PGGHG: variants seen among roughly 807,000 people sequenced by gnomAD.
PGGHG encodes ATH1, acid trehalase-like 1.
Under a neutral mutation model 74.5 loss-of-function variants are expected in PGGHG, and 67 were observed. The observed-to-expected ratio is 0.90, with a 90% CI of 0.74 to 1.10. The LOEUF (loss-of-function observed/expected upper bound fraction) is 1.10, where lower values mean the gene tolerates loss of function less well. PGGHG is among the 50% of genes least tolerant of loss of function. The pLI is 0.00. For missense variants in PGGHG, 1,034 were observed against 981.5 expected, an observed-to-expected ratio of 1.05 and a Z score of -0.72; for synonymous variants, 496 against 419.9, an observed-to-expected ratio of 1.18 and a Z score of -2.21.
Position 290,470 on chromosome 11 carries a change from C to G in PGGHG, c.340C>G (p.Leu114Val), listed in dbSNP as rs2134020551. 5 of 1,550,080 alleles carry G rather than the reference C, an allele frequency of 3.2e-6. No homozygotes were observed. The South Asian group carries it at 4.8e-5, about 15-fold the overall frequency. ...TGCGCATCGCACGCTGCCCCACGTG[C>G]TGGCTTTCCGAGTGTCCATCGCCCG... ...IYAHRTLPHVLAFRVSIARLA... is the reference protein window; with the variant it reads ...IYAHRTLPHVVAFRVSIARLA... The change falls in exon 3 of 14, where the codon CTG (leucine) becomes GTG (valine). Residue 114 changes from leucine (L) to valine (V), a missense_variant. Leu to Val is a conservative substitution (Grantham distance 32). Transcript: ENST00000409548.
intron 9 of PGGHG, 34 bp downstream of exon 9, chr11:293,536 C>G: frequency 6.2e-7 from 1 of 1,612,052 alleles, no homozygotes; most frequent in Non-Finnish European, 8.5e-7. Flanking sequence ...CCTCCCCTGC[C>G]GTCGAGACCC....
In PGGHG at chr11:290,832, G is replaced by T. The variant is rs1216580427; in HGVS notation, c.625G>T (p.Ala209Ser). The T allele has an allele frequency of 6.2e-7, 1 of 1,612,324 alleles. No individual in the cohort carries two copies. The highest frequency in any genetic ancestry group is 2.2e-5 in the East Asian group (1 of 44,886). Residue 209 changes from alanine to serine, a missense_variant, in exon 4 of 14, where the codon GCT (alanine) becomes TCT (serine). Physicochemically the swap from Ala to Ser is moderately conservative, Grantham distance 99 (BLOSUM62 1). Coordinates refer to ENST00000409548, the MANE Select transcript of PGGHG (RefSeq NM_025092.5). ...DFLTAVGGSQ[A>S]EAQACLTEAL... Reference sequence around the variant, plus strand: ...CCTGACAGCAGTGGGCGGCAGCCAGGCTGAGGCTCAGGCCTGCCTCACTGA... The same window carrying T: ...CCTGACAGCAGTGGGCGGCAGCCAGTCTGAGGCTCAGGCCTGCCTCACTGA...
rs781275874 is a variant in PGGHG at position 294,265 on chromosome 11, A to G, written c.1809-2A>G. Reference sequence around the variant, plus strand: ...CCACCTCACAAGCCTCTCCTCCCACAGGGTCACCCGAGCGGGTGTGACCTT... The same window carrying G: ...CCACCTCACAAGCCTCTCCTCCCACGGGGTCACCCGAGCGGGTGTGACCTT... On this transcript the variant is annotated splice_acceptor_variant, in intron 12 of 13. Coordinates refer to ENST00000409548, the MANE Select transcript of PGGHG (RefSeq NM_025092.5). LOFTEE classifies it high-confidence loss of function. 22 of 1,600,820 alleles carry G rather than the reference A, an allele frequency of 1.4e-5. No homozygotes were observed. Among genetic ancestry groups the G allele is most frequent in the Non-Finnish European group, 1.9e-5 (22 of 1,172,328 alleles).
rs1375739439 is a variant in PGGHG at position 289,985 on chromosome 11, A to G, written c.169A>G (p.Met57Val). 6.5e-7 allele frequency: 1 copy of G among 1,549,298 alleles called. No homozygotes were observed. Among genetic ancestry groups the G allele is most frequent in the African/African-American group, 1.4e-5 (1 of 73,018 alleles). ...NGAGGDTHRAMLPSPLNVRLE... is the reference protein window; with the variant it reads ...NGAGGDTHRAVLPSPLNVRLE... The stretch of plus-strand genomic sequence containing the variant: ...GGCTGGCGGGGACACGCACCGGGCC[A>G]TGCTGCCCAGCCCCCTCAACGTCCG... Residue 57 changes from methionine to valine, a missense_variant, in exon 2 of 14, where the codon ATG becomes GTG. Physicochemically the swap from Met to Val is conservative, Grantham distance 21. Coordinates refer to ENST00000409548, the MANE Select transcript of PGGHG (RefSeq NM_025092.5). This position sits in a 1 kb window ranked among gnomAD's most constrained non-coding sequence, Gnocchi z 5.6.
In PGGHG at chr11:294,187, C is replaced by T. The variant is rs199698593; in HGVS notation, c.1799C>T (p.Thr600Met). ...CTGCAGGCGGTGGTCTTCGGGTGCA[C>T]GGGGTTCAGGTAAGTGCAGAGGCTG... ...GFLQAVVFGC[T>M]GFRVTRAGVT... Residue 600 changes from threonine (T) to methionine (M), a missense_variant, in exon 12 of 14, where the codon ACG becomes ATG. By Grantham distance (81) the Thr-to-Met change is moderately conservative. Coordinates refer to ENST00000409548, the MANE Select transcript of PGGHG (RefSeq NM_025092.5). The T allele has an allele frequency of 9.0e-5, 145 of 1,610,416 alleles. 1 individual carries two copies. Among genetic ancestry groups the T allele is most frequent in the East Asian group, 6.2e-4 (28 of 44,868 alleles).
Position 291,975 on chromosome 11 carries a change from G to A in PGGHG, c.907-1G>A, listed in dbSNP as rs371243497. The A allele has an allele frequency of 2.6e-4, 420 of 1,607,316 alleles. No homozygotes were observed. The highest frequency in any genetic ancestry group is 3.5e-4 in the Non-Finnish European group (413 of 1,177,648). The stretch of plus-strand genomic sequence containing the variant: ...GCTAGAACGAGGGACCGTGCTCTCA[G>A]GACCTCTGGATGTTCCCGAGTATCC... On this transcript the variant is annotated splice_acceptor_variant, in intron 4 of 13. Coordinates refer to ENST00000409548, the MANE Select transcript of PGGHG (RefSeq NM_025092.5). LOFTEE classifies it high-confidence loss of function.
At chr11:294,528 C>T (rs372652250) in intron 13 of PGGHG, 28 bp from the exon 14 acceptor site, 6 of 1,599,236 alleles carry the variant, frequency 3.8e-6, no homozygotes, top group Non-Finnish European at 4.3e-6. Flanking sequence ...GGCTGCCCCT[C>T]ACCCCCAGGC....
intron 5 of PGGHG, among the ~76,000 whole-genome samples, 183 bp downstream of exon 5, chr11:292,278 G>C (rs544597227): frequency 1.3e-5 from 2 of 152,094 alleles, no homozygotes; most frequent in East Asian, 3.9e-4. Context: ...GAGAGAGGAG[G>C]TGGGAACCGC....
chr11:294,351 G>T lies in PGGHG; in HGVS notation c.1893G>T (p.Gly631=). The T allele has an allele frequency of 6.2e-7, 1 of 1,613,136 alleles. No homozygotes were observed. Among genetic ancestry groups the T allele is most frequent in the South Asian group, 1.1e-5 (1 of 91,064 alleles). ...RVSVSGIFYQ[G]NKLNFSFSED... is the part of the protein sequence containing the mutation. ...GCGTCTCCGGCATCTTCTACCAGGG[G>T]AACAAGCTCAACTTCTCTTTTTCCG... The change falls in exon 13 of 14, where the codon GGG becomes GGT. Residue 631 remains glycine, a synonymous_variant. Transcript: ENST00000409548.
Position 294,638 on chromosome 11 carries a change from C to T in PGGHG, c.2103C>T (p.Phe701=), listed in dbSNP as rs748702313. The change falls in exon 14 of 14, where the codon TTC becomes TTT. Residue 701 remains phenylalanine (F), a synonymous_variant. Transcript: ENST00000409548. ...PKLPGSSSSE[F]PGRTFSDVRD... ...TGCCTGGAAGTTCCAGCTCCGAGTT[C>T]CCTGGGAGGACTTTTTCAGATGTTA... is the stretch of plus-strand genomic sequence containing the variant. The T allele has an allele frequency of 3.3e-5, 54 of 1,613,636 alleles. No individual in the cohort carries two copies. Among genetic ancestry groups the T allele is most frequent in the Non-Finnish European group, 4.3e-5 (51 of 1,179,984 alleles).
Position 291,966 on chromosome 11 carries a change from G to T in PGGHG, c.907-10G>T. 6.2e-7 allele frequency: 1 copy of T among 1,602,698 alleles called. No homozygotes were observed. Among genetic ancestry groups the T allele is most frequent in the Non-Finnish European group, 8.5e-7 (1 of 1,175,614 alleles). On this transcript the variant is annotated splice_polypyrimidine_tract_variant and intron_variant, in intron 4 of 13. Coordinates refer to ENST00000409548, the MANE Select transcript of PGGHG (RefSeq NM_025092.5). ...CTGTCCGGCGCTAGAACGAGGGACC[G>T]TGCTCTCAGGACCTCTGGATGTTCC...
intron 4 of PGGHG, chr11:291,396 TAG>T (rs1258527422): frequency 2.3e-6 from 1 of 427,504 alleles, no homozygotes; most frequent in African/African-American, 2.0e-5. Context: ...CCAGCGTTTG[TAG>T]ACAGTAGTGT....
chr11:291,633 C>T (rs1186300642), intron 4 of PGGHG: 6 of 297,338 alleles, frequency 2.0e-5, no homozygotes, highest in South Asian at 8.6e-5. Context: ...CTGAGCCTCC[C>T]GGTGCTGCCG....
chr11:292,830 C>T lies in PGGHG; in HGVS notation c.1159-56C>T. On this transcript the variant is annotated intron_variant, in intron 6 of 13. Coordinates refer to ENST00000409548, the MANE Select transcript of PGGHG (RefSeq NM_025092.5). ...GCCTTGCTTCTGGGCACAGACAGGC[C>T]ACTAGGAATGAGAGTGACTGGGGCC... is the stretch of plus-strand genomic sequence containing the variant. The T allele has an allele frequency of 1.9e-6, 3 of 1,611,960 alleles. No individual in the cohort carries two copies. The South Asian group carries it at 3.3e-5, about 18-fold the overall frequency.
rs1232866636 is a variant in PGGHG, at chr11:293,174, C to T, written c.1282C>T (p.Pro428Ser). Residue 428 changes from proline to serine, a missense_variant, in exon 8 of 14, where the codon CCC (proline) becomes TCC (serine). Physicochemically the swap from Pro to Ser is moderately conservative, Grantham distance 74. Coordinates refer to ENST00000409548, the MANE Select transcript of PGGHG (RefSeq NM_025092.5). ...EKYHLRGVMS[P>S]DEYHSGVNNS... ...ACTTGTGTGTCCAGGAGTCATGTCC[C>T]CCGACGAGTACCATTCAGGGGTCAA... is the stretch of plus-strand genomic sequence containing the variant. 1 of 1,613,906 alleles carries T rather than the reference C, an allele frequency of 6.2e-7. No individual in the cohort carries two copies. Among genetic ancestry groups the T allele is most frequent in the Admixed American group, 1.7e-5 (1 of 60,016 alleles).
chr11:293,813 C>CT lies in PGGHG; in HGVS notation c.1615-15dup, dbSNP rs1354074146. 1 of 1,613,470 alleles carries CT rather than the reference C, an allele frequency of 6.2e-7. No homozygotes were observed. The highest frequency in any genetic ancestry group is 8.5e-7 in the Non-Finnish European group (1 of 1,179,974). ...AGTGGGCCTCACCCCTGTGTGTCCT[C>CT]TTACCTCTGACCCCAGAGCATGTTT... On this transcript the variant is annotated splice_polypyrimidine_tract_variant and intron_variant, in intron 10 of 13. Coordinates refer to ENST00000409548, the MANE Select transcript of PGGHG (RefSeq NM_025092.5).
In PGGHG at chr11:289,638, CT is replaced by C. The variant is rs532783814; in HGVS notation, c.-13-163del. 163 of 858,726 alleles carry C rather than the reference CT, an allele frequency of 1.9e-4. No individual in the cohort carries two copies. In the East Asian group the frequency reaches 3.2e-3, roughly 17 times the overall value. The allele number at this position is 858,726 out of a possible 1,614,324, so 53.2% of individuals were successfully genotyped here. On this transcript the variant is annotated intron_variant, in intron 1 of 13. Coordinates refer to ENST00000409548, the MANE Select transcript of PGGHG (RefSeq NM_025092.5). The surrounding 1 kb of genome is among the most constrained non-coding windows in gnomAD (Gnocchi z 5.6). ...CTGAGCCCCTCTGAGAGTCGAGCTCCTTTCCTGCGAGGCCCCGTCTAGGAGG... is the reference window on the plus strand; with the variant it reads ...CTGAGCCCCTCTGAGAGTCGAGCTCCTTCCTGCGAGGCCCCGTCTAGGAGG...
In PGGHG at chr11:293,371, G is replaced by A. The variant is rs751211845; in HGVS notation, c.1349G>A (p.Arg450His). 12 of 1,611,802 alleles carry A rather than the reference G, an allele frequency of 7.4e-6. No homozygotes were observed. Among genetic ancestry groups the A allele is most frequent in the Admixed American group, 5.0e-5 (3 of 59,986 alleles). ...CCACCTACCTCCACCTCCAGCCTGC[G>A]CTTTGCTGCTGCCCTGGCCCAGGAC... The part of the protein sequence containing the change: ...YTNVLVQNSL[R>H]FAAALAQDLG... Residue 450 changes from arginine (R) to histidine (H), a missense_variant, in exon 9 of 14, where the codon CGC becomes CAC. By Grantham distance (29) the Arg-to-His change is conservative. Coordinates refer to ENST00000409548, the MANE Select transcript of PGGHG (RefSeq NM_025092.5).
chr11:294,047 A>G, intron 11 of PGGHG, 52 bp from the exon 12 acceptor site: 1 of 1,582,206 alleles, frequency 6.3e-7, no homozygotes, highest in African/African-American at 1.3e-5. Context: ...ACAGCAGCCC[A>G]GAGAGGACGG....
Sources: gnomAD v4.1 joint callset for allele counts (sites outside exome capture counted in the v4.1 genomes callset) on GRCh38, gnomAD v4.1.1 for gene constraint, Gnocchi (gnomAD v3.1) non-coding constraint, MANE v1.5 for transcripts, NCBI Gene and HGNC (gene_info 2026-07-23, HGNC 2026-07-21) for gene names.